Variants in NTF3 observed in about 807,000 individuals in gnomAD.
NTF3 encodes the protein neurotrophin-3.
NTF3 carries 8 observed loss-of-function variants against 26.3 expected under a neutral mutation model. The ratio of observed to expected loss-of-function variants is 0.30; its 90% CI spans 0.18 to 0.55. NTF3 has a LOEUF of 0.55. Among genes scored for constraint, NTF3 ranks in the 20% least tolerant of loss-of-function variants. The probability of loss-of-function intolerance (pLI) is 0.93; values close to 1 mark genes in which losing one functional copy is unlikely to be tolerated. For synonymous variants in NTF3, 154 were observed against 145.5 expected (o/e 1.06, Z -0.42); for missense variants, 276 against 352.9 (o/e 0.78, Z 1.75).
rs143077789 is a variant in NTF3, at chr12:5,437,978, T to G, written c.18+5636T>G. Among the ~76,000 whole-genome samples, 585 of 152,238 alleles carry G rather than the reference T, an allele frequency of 3.8e-3. 3 individuals carry two copies. The highest frequency in any genetic ancestry group is 0.013 in the African/African-American group (537 of 41,542). On this transcript the variant is annotated intron_variant, in intron 1 of 1. Coordinates refer to ENST00000423158, the MANE Select transcript of NTF3 (RefSeq NM_001102654.2). The stretch of plus-strand genomic sequence containing the variant: ...TATGGGTGGCAGGTATCTGGATGCT[T>G]GGCTCAGATTGGATTGTCATTGGAT...
At chr12:5,481,553 GCACA>G (rs752668923) in intron 1 of NTF3, among the ~76,000 whole-genome samples, 4 of 13,084 alleles carry the variant, frequency 3.1e-4, no homozygotes, top group African/African-American at 1.0e-3. Context: ...ATACATATAT[GCACA>G]CACACACATA....
intron 1 of NTF3, among the ~76,000 whole-genome samples, chr12:5,483,570 A>G (rs1565396089): frequency 6.6e-6 from 1 of 152,170 alleles, no homozygotes; most frequent in Admixed American, 6.5e-5. Context: ...CTATGTCTTC[A>G]CTATTGTGAG....
intron 1 of NTF3, among the ~76,000 whole-genome samples, chr12:5,439,238 G>A (rs1008789996): frequency 5.9e-5 from 9 of 152,176 alleles, no homozygotes; most frequent in Admixed American, 2.6e-4. Context: ...TACTTACTGG[G>A]TGCCAGGCAT....
At chr12:5,475,663 C>G (rs768212054) in intron 1 of NTF3, among the ~76,000 whole-genome samples, 47 of 151,982 alleles carry the variant, frequency 3.1e-4, no homozygotes, top group Non-Finnish European at 5.3e-4. Context: ...GGCAAAACCC[C>G]ATCTCTACAA....
intron 1 of NTF3, among the ~76,000 whole-genome samples, chr12:5,481,761 CCATA>C (rs1230819449): frequency 2.1e-5 from 3 of 141,176 alleles, no homozygotes; most frequent in African/African-American, 5.2e-5. Context: ...CATATGCACA[CCATA>C]CAGAGACACA....
intron 1 of NTF3, among the ~76,000 whole-genome samples, chr12:5,488,547 T>A (rs1271906684): frequency 6.6e-6 from 1 of 152,224 alleles, no homozygotes; most frequent in East Asian, 1.9e-4. Context: ...AAGACCTATG[T>A]TCAGAGCAAA....
intron 1 of NTF3, among the ~76,000 whole-genome samples, chr12:5,485,057 T>C (rs1370600905): frequency 1.3e-5 from 2 of 152,212 alleles, no homozygotes; most frequent in Non-Finnish European, 2.9e-5. Flanking sequence ...AGTCTTTGGG[T>C]TCTTGGTTGT....
intron 1 of NTF3, among the ~76,000 whole-genome samples, chr12:5,467,809 C>G (rs2121203749): frequency 6.6e-6 from 1 of 152,268 alleles, no homozygotes; most frequent in African/African-American, 2.4e-5. Flanking sequence ...ATGGGGCAGC[C>G]CTCCTCAGCT....
rs561605357 is a variant in NTF3, at chr12:5,464,547, G to A, written c.19-29647G>A. On this transcript the variant is annotated intron_variant, in intron 1 of 1. Transcript: ENST00000423158. Reference sequence around the variant, plus strand: ...TTCAACTTAGGAGGGGTCATAGGTTGAGGAGCATCTCCACAGATTCCTGAG... The same window carrying A: ...TTCAACTTAGGAGGGGTCATAGGTTAAGGAGCATCTCCACAGATTCCTGAG... Among the ~76,000 whole-genome samples the A allele has an allele frequency of 2.0e-5, 3 of 152,158 alleles. No individual in the cohort carries two copies. In the South Asian group the frequency reaches 6.2e-4, roughly 32 times the overall value.
chr12:5,474,638 C>T (rs938291497), intron 1 of NTF3, among the ~76,000 whole-genome samples: 1 of 152,106 alleles, frequency 6.6e-6, no homozygotes, highest in South Asian at 2.1e-4. Context: ...GAAATTTCTC[C>T]AGCTGAGGAA....
upstream of NTF3, among the ~76,000 whole-genome samples, chr12:5,430,735 C>T (rs1306804649): frequency 1.3e-5 from 2 of 151,838 alleles, no homozygotes; most frequent in African/African-American, 4.8e-5. Context: ...CTAACCGAAA[C>T]GCGGAACGGC....
chr12:5,482,002 T>A (rs1356222555), intron 1 of NTF3, among the ~76,000 whole-genome samples: 1 of 151,182 alleles, frequency 6.6e-6, no homozygotes, highest in African/African-American at 2.4e-5. Context: ...CATACATGCA[T>A]GCATACACAC....
At chr12:5,462,085 T>C (rs1940532557) in intron 1 of NTF3, among the ~76,000 whole-genome samples, 1 of 152,208 alleles carries the variant, frequency 6.6e-6, no homozygotes, top group Non-Finnish European at 1.5e-5. Flanking sequence ...ATACAGCAAC[T>C]GTGCTGCCAT....
At chr12:5,487,509 T>C (rs1940881111) in intron 1 of NTF3, among the ~76,000 whole-genome samples, 1 of 152,266 alleles carries the variant, frequency 6.6e-6, no homozygotes, top group Admixed American at 6.5e-5. Context: ...GTCAGTCTTC[T>C]GAGGTTCTCT....
At chr12:5,453,401 T>G (rs1387564056) in intron 1 of NTF3, among the ~76,000 whole-genome samples, 1 of 152,094 alleles carries the variant, frequency 6.6e-6, no homozygotes, top group Non-Finnish European at 1.5e-5. Flanking sequence ...TTTCACAGAG[T>G]GTAGGCTTTC....
chr12:5,487,413 G>A (rs1274067178), intron 1 of NTF3, among the ~76,000 whole-genome samples: 2 of 152,210 alleles, frequency 1.3e-5, no homozygotes, highest in Admixed American at 1.3e-4. Context: ...TGGGGTATAG[G>A]TTTCTTGTCT....
intron 1 of NTF3, among the ~76,000 whole-genome samples, chr12:5,489,095 G>T (rs1227182691): frequency 6.6e-6 from 1 of 152,148 alleles, no homozygotes; most frequent in African/African-American, 2.4e-5. Context: ...ACAACACAGG[G>T]CCTCTGCAGG....
At chr12:5,484,882 C>T (rs1290996606) in intron 1 of NTF3, among the ~76,000 whole-genome samples, 1 of 152,188 alleles carries the variant, frequency 6.6e-6, no homozygotes, top group Non-Finnish European at 1.5e-5. Flanking sequence ...CCACAAAGCT[C>T]ATTAGTGGCA....
At chr12:5,452,241 G>A (rs1366036554) in intron 1 of NTF3, among the ~76,000 whole-genome samples, 6 of 151,654 alleles carry the variant, frequency 4.0e-5, no homozygotes, top group Non-Finnish European at 5.9e-5. Flanking sequence ...GACTACAGGC[G>A]CCCGCCACCA....
Sources: gnomAD v4.1 joint callset for allele counts (sites outside exome capture counted in the v4.1 genomes callset) on GRCh38, gnomAD v4.1.1 for gene constraint, MANE v1.5 for transcripts, NCBI Gene and HGNC (gene_info 2026-07-23, HGNC 2026-07-21) for gene names.